GNG4: variants seen among roughly 807,000 people sequenced by gnomAD.
The protein encoded by GNG4 is G protein subunit gamma 4.
Under a neutral mutation model 5.8 loss-of-function variants are expected in GNG4, and 4 were observed. The ratio of observed to expected loss-of-function variants is 0.69; its 90% CI spans 0.34 to 1.57. The LOEUF (loss-of-function observed/expected upper bound fraction) is 1.57. Among genes scored for constraint, GNG4 ranks in the 40% most tolerant of loss-of-function variants. GNG4 has a pLI of 0.06. For missense variants in GNG4, 96 were observed against 95.1 expected, an observed-to-expected ratio of 1.01 and a Z score of -0.04; for synonymous variants, 29 against 32.9, an observed-to-expected ratio of 0.88 and a Z score of 0.41.
At chr1:235,610,856 G>A (rs1481329378) in intron 1 of GNG4, among the ~76,000 whole-genome samples, 3 of 152,134 alleles carry the variant, frequency 2.0e-5, no homozygotes, top group Non-Finnish European at 2.9e-5. Context: ...AGGCTGAGGA[G>A]GGCGGATCAC....
intron 1 of GNG4, among the ~76,000 whole-genome samples, chr1:235,620,669 G>A (rs1400327944): frequency 6.6e-6 from 1 of 152,090 alleles, no homozygotes; most frequent in African/African-American, 2.4e-5. Context: ...CCATGTAGCT[G>A]GGACTACAGG....
chr1:235,617,523 G>A (rs1418438652), intron 1 of GNG4, among the ~76,000 whole-genome samples: 1 of 152,192 alleles, frequency 6.6e-6, no homozygotes, highest in Non-Finnish European at 1.5e-5. Flanking sequence ...AGAATGGAAG[G>A]TCAGAGAGTC....
At chr1:235,605,960 G>GT (rs1342417627) in intron 1 of GNG4, among the ~76,000 whole-genome samples, 1 of 133,746 alleles carries the variant, frequency 7.5e-6, no homozygotes, top group Non-Finnish European at 1.7e-5. Context: ...GAGTGTGGGG[G>GT]GGTGGGTCTC....
At chr1:235,618,854 C>T (rs2102974833) in intron 1 of GNG4, among the ~76,000 whole-genome samples, 1 of 151,582 alleles carries the variant, frequency 6.6e-6, no homozygotes, top group South Asian at 2.1e-4. Context: ...CGGGGTTTCA[C>T]CATGTTGGCC....
Position 235,559,444 on chromosome 1 carries a change from A to G in GNG4, c.100-7207T>C, listed in dbSNP as rs1298430767. On this transcript the variant is annotated intron_variant, in intron 3 of 3. Coordinates refer to ENST00000391854, the MANE Select transcript of GNG4 (RefSeq NM_001098722.2). ...CTCTTGTGCTTTTTTTTTTCTCCTA[A>G]CATTGGGAAGTATTTGAGACCCACA... is the stretch of plus-strand genomic sequence containing the variant. Among the ~76,000 whole-genome samples the G allele has an allele frequency of 1.3e-5, 2 of 152,034 alleles. 1 individual carries two copies. The highest frequency in any genetic ancestry group is 4.2e-4 in the South Asian group (2 of 4,796).
At chr1:235,581,828 C>T (rs1266580453) in intron 3 of GNG4, among the ~76,000 whole-genome samples, 3 of 152,170 alleles carry the variant, frequency 2.0e-5, no homozygotes, top group African/African-American at 4.8e-5. Flanking sequence ...AGTGTGTGTG[C>T]CTAAGTGACT....
chr1:235,599,614 C>A (rs1337498500), intron 1 of GNG4, among the ~76,000 whole-genome samples: 1 of 152,138 alleles, frequency 6.6e-6, no homozygotes, highest in Non-Finnish European at 1.5e-5. Context: ...TTGCACCCAG[C>A]CGAATCTGCG....
At chr1:235,624,953 C>T (rs1282238092) in intron 1 of GNG4, among the ~76,000 whole-genome samples, 1 of 152,156 alleles carries the variant, frequency 6.6e-6, no homozygotes, top group Non-Finnish European at 1.5e-5. Flanking sequence ...TGGGGAACCG[C>T]TGACCTCAAA....
intron 3 of GNG4, among the ~76,000 whole-genome samples, chr1:235,582,347 C>A (rs1372524152): frequency 1.3e-5 from 2 of 152,210 alleles, no homozygotes; most frequent in African/African-American, 2.4e-5. Flanking sequence ...CCTCCCGCTG[C>A]CCAGCTGCTC....
intron 3 of GNG4, among the ~76,000 whole-genome samples, chr1:235,561,537 G>A (rs1181014081): frequency 1.3e-5 from 2 of 152,122 alleles, no homozygotes; most frequent in African/African-American, 4.8e-5. Context: ...TGGGATTGCA[G>A]GCACCTGCCA....
At chr1:235,636,940 C>T (rs1218633124) in intron 1 of GNG4, among the ~76,000 whole-genome samples, 1 of 151,942 alleles carries the variant, frequency 6.6e-6, no homozygotes, top group Non-Finnish European at 1.5e-5. Flanking sequence ...CTCCTCTAGG[C>T]ACCTTGTCCT....
chr1:235,593,524 C>T (rs1187773516), intron 2 of GNG4, among the ~76,000 whole-genome samples: 4 of 152,224 alleles, frequency 2.6e-5, no homozygotes, highest in African/African-American at 7.2e-5. Flanking sequence ...ACAGCTGGGT[C>T]CGGAATTGGT....
At chr1:235,627,565 GA>G (rs1205689793) in intron 1 of GNG4, among the ~76,000 whole-genome samples, 1 of 152,148 alleles carries the variant, frequency 6.6e-6, no homozygotes, top group African/African-American at 2.4e-5. Flanking sequence ...GAAGGGTTTG[GA>G]AAACTGTCTG....
intron 1 of GNG4, among the ~76,000 whole-genome samples, chr1:235,613,369 A>T (rs774931768): frequency 6.6e-6 from 1 of 152,188 alleles, no homozygotes; most frequent in African/African-American, 2.4e-5. Flanking sequence ...TACTCCCCAG[A>T]ACCTGTGAAC....
In GNG4 at chr1:235,649,131, T is replaced by C. The variant is rs373025206; in HGVS notation, c.-123+531A>G. On this transcript the variant is annotated intron_variant, in intron 1 of 3. Coordinates refer to ENST00000391854, the MANE Select transcript of GNG4 (RefSeq NM_001098722.2). The surrounding 1 kb of genome is among the most constrained non-coding windows in gnomAD (Gnocchi z 5.7). ...TGAGGAAAACCACCCTCAGCTGCGG[T>C]GGCTCCAGCGTCACCCCGAGTGCTC... 5.3e-5 allele frequency among the ~76,000 whole-genome samples: 8 copies of C among 152,240 alleles called. No homozygotes were observed. The highest frequency in any genetic ancestry group is 1.9e-4 in the African/African-American group (8 of 41,560).
At chr1:235,638,726 A>G (rs1412368318) in intron 1 of GNG4, among the ~76,000 whole-genome samples, 3 of 150,550 alleles carry the variant, frequency 2.0e-5, no homozygotes, top group Admixed American at 1.3e-4. Context: ...TCATTGTTCA[A>G]CTCCCATTTA....
At chr1:235,555,959 C>T (rs1174615832) in intron 3 of GNG4, among the ~76,000 whole-genome samples, 1 of 152,066 alleles carries the variant, frequency 6.6e-6, no homozygotes, top group South Asian at 2.1e-4. Context: ...CCTCTGCCTC[C>T]TGGTTTCAAA....
chr1:235,583,008 C>G (rs1687675488), intron 3 of GNG4, among the ~76,000 whole-genome samples: 1 of 152,112 alleles, frequency 6.6e-6, no homozygotes, highest in African/African-American at 2.4e-5. Flanking sequence ...TTTTTTGAAT[C>G]CCAGATGCCC....
chr1:235,608,687 A>AT lies in GNG4; in HGVS notation c.-122-13177dup, dbSNP rs58183552. 3.9e-3 allele frequency among the ~76,000 whole-genome samples: 560 copies of AT among 143,440 alleles called. 2 individuals are homozygous for AT. Among genetic ancestry groups the AT allele is most frequent in the Non-Finnish European group, 6.2e-3 (407 of 65,488 alleles). The allele number at this position is 143,440 out of a possible 152,430, so 94.1% of individuals were successfully genotyped here. On this transcript the variant is annotated intron_variant, in intron 1 of 3. Coordinates refer to ENST00000391854, the MANE Select transcript of GNG4 (RefSeq NM_001098722.2). ...TTTTTTACTTAGTTTTTTATTTTTTATTTTTTTTTTTTTTGAGACGGAGTC... is the reference window on the plus strand; with the variant it reads ...TTTTTTACTTAGTTTTTTATTTTTTATTTTTTTTTTTTTTTGAGACGGAGTC...
Sources: gnomAD v4.1 joint callset for allele counts (sites outside exome capture counted in the v4.1 genomes callset) on GRCh38, gnomAD v4.1.1 for gene constraint, Gnocchi (gnomAD v3.1) non-coding constraint, MANE v1.5 for transcripts, NCBI Gene and HGNC (gene_info 2026-07-23, HGNC 2026-07-21) for gene names.